Variants in SYTL3 observed in about 807,000 individuals in gnomAD.
SYTL3 encodes synaptotagmin-like protein 3.
Under a neutral mutation model 82.1 loss-of-function variants are expected in SYTL3, and 88 were observed. That is an observed-to-expected ratio of 1.07 (90% CI 0.90 to 1.28). The LOEUF is 1.28. SYTL3 is among the 50% of genes most tolerant of loss of function. The probability of loss-of-function intolerance (pLI) is 0.00; values close to 1 mark genes in which losing one functional copy is unlikely to be tolerated. For synonymous variants in SYTL3, 311 were observed against 289.4 expected (o/e 1.07, Z -0.76); for missense variants, 831 against 757.6 (o/e 1.10, Z -1.14).
chr6:158,722,827 A>G (rs6929627), intron 10 of SYTL3, among the ~76,000 whole-genome samples: 94,691 of 143,084 alleles, frequency 0.66, 33,195 homozygotes, highest in African/African-American at 0.88. Context: ...CAGCGAGCGA[A>G]CAGTCTGGGC....
chr6:158,673,307 C>T (rs756730152), intron 5 of SYTL3, among the ~76,000 whole-genome samples: 25 of 151,718 alleles, frequency 1.6e-4, no homozygotes, highest in Non-Finnish European at 3.1e-4. Flanking sequence ...GATTAAGGGC[C>T]GTTCTTTTGA....
intron 6 of SYTL3, among the ~76,000 whole-genome samples, chr6:158,685,427 T>G: frequency 6.6e-6 from 1 of 152,042 alleles, no homozygotes; most frequent in Non-Finnish European, 1.5e-5. Flanking sequence ...TGACTGGTCT[T>G]GAACTCCTGA....
intron 12 of SYTL3, among the ~76,000 whole-genome samples, chr6:158,751,082 T>C (rs1456608616): frequency 1.3e-5 from 2 of 152,280 alleles, no homozygotes; most frequent in African/African-American, 4.8e-5. Context: ...AGTTGTGAGC[T>C]TCTGCGCCTG....
At chr6:158,702,553 G>C (rs368495053) in intron 6 of SYTL3, among the ~76,000 whole-genome samples, 7 of 146,436 alleles carry the variant, frequency 4.8e-5, no homozygotes, top group South Asian at 4.2e-4. Context: ...AAAACAAGAG[G>C]GGGGGAAAAG....
intron 6 of SYTL3, among the ~76,000 whole-genome samples, chr6:158,699,411 A>G (rs562385296): frequency 2.6e-5 from 4 of 152,314 alleles, no homozygotes; most frequent in Non-Finnish European, 4.4e-5. Flanking sequence ...AGGGATTTGT[A>G]TCGGTAGCTG....
At chr6:158,762,314 A>G in intron 16 of SYTL3, 136 bp downstream of exon 16, 1 of 651,862 alleles carries the variant, frequency 1.5e-6, no homozygotes, top group Non-Finnish European at 2.6e-6. Context: ...AAATCTAACA[A>G]CACATATTAA....
rs117667549 is a variant in SYTL3 at position 158,678,133 on chromosome 6, T to C, written c.330-4792T>C. 8.4e-3 allele frequency among the ~76,000 whole-genome samples: 1,275 copies of C among 152,276 alleles called. 8 individuals carry two copies. Among genetic ancestry groups the C allele is most frequent in the South Asian group, 0.021 (100 of 4,828 alleles). ...TTCAAGCAATCCTCTCGCCTCGGCCTCCGAAAGTGCTGAGATTACAGGCGT... is the reference window on the plus strand; with the variant it reads ...TTCAAGCAATCCTCTCGCCTCGGCCCCCGAAAGTGCTGAGATTACAGGCGT... On this transcript the variant is annotated intron_variant, in intron 5 of 17. Transcript: ENST00000611299.
upstream of SYTL3, among the ~76,000 whole-genome samples, chr6:158,648,605 A>C (rs1554234543): frequency 9.5e-6 from 1 of 104,768 alleles, no homozygotes; most frequent in Non-Finnish European, 2.3e-5. Context: ...AAAAAAAAAA[A>C]AAAATAATAA....
chr6:158,665,659 G>GAATTCAGGTCTCTAAA, intron 5 of SYTL3, 46 bp downstream of exon 5: 1 of 1,421,294 alleles, frequency 7.0e-7, no homozygotes, highest in Non-Finnish European at 9.5e-7. Flanking sequence ...TTCAGGTCTC[G>GAATTCAGGTCTCTAAA]GAGGAGGCCT....
intron 6 of SYTL3, among the ~76,000 whole-genome samples, chr6:158,690,817 G>C (rs371373057): frequency 6.6e-6 from 1 of 152,028 alleles, no homozygotes; most frequent in Non-Finnish European, 1.5e-5. Context: ...TAGTACATTC[G>C]AATTATCAAA....
At chr6:158,686,467 C>T (rs1779303423) in intron 6 of SYTL3, among the ~76,000 whole-genome samples, 1 of 152,022 alleles carries the variant, frequency 6.6e-6, no homozygotes, top group Admixed American at 6.6e-5. Context: ...GGGGAAAATG[C>T]CAGGTTAGGA....
intron 6 of SYTL3, among the ~76,000 whole-genome samples, chr6:158,705,566 G>C (rs1447349726): frequency 2.3e-5 from 3 of 131,832 alleles, no homozygotes; most frequent in Non-Finnish European, 5.0e-5. Flanking sequence ...TAGAGCAGCG[G>C]GGGGGGACCT....
At chr6:158,700,083 C>G (rs1781008803) in intron 6 of SYTL3, among the ~76,000 whole-genome samples, 1 of 151,868 alleles carries the variant, frequency 6.6e-6, no homozygotes, top group African/African-American at 2.4e-5. Flanking sequence ...TGGAGAAACC[C>G]CTTCTCTACT....
At chr6:158,751,784 T>G in intron 12 of SYTL3, 144 bp from the exon 13 acceptor site, 1 of 600,120 alleles carries the variant, frequency 1.7e-6, no homozygotes, top group Non-Finnish European at 2.9e-6. Context: ...TATTAGGCTA[T>G]TAAGTCCTTT....
chr6:158,764,492 C>A lies in SYTL3; in HGVS notation c.1724-3C>A, dbSNP rs1180015398. On this transcript the variant is annotated splice_polypyrimidine_tract_variant and splice_region_variant and intron_variant, in intron 17 of 17. Transcript: ENST00000611299. ...ATGGCTAAATTGTCTTCCTCTCTTA[C>A]AGAGGGAGACACAGCTGTTGGCGGG... The A allele has an allele frequency of 6.2e-7, 1 of 1,607,934 alleles. No homozygotes were observed. The highest frequency in any genetic ancestry group is 8.5e-7 in the Non-Finnish European group (1 of 1,174,828).
intron 10 of SYTL3, among the ~76,000 whole-genome samples, chr6:158,723,089 C>CT (rs745395918): frequency 0.02 from 1,759 of 89,866 alleles, 79 homozygotes; most frequent in East Asian, 0.054. Flanking sequence ...AACAGCTACT[C>CT]TTTTTTTTTT....
chr6:158,658,441 G>C (rs931962382), intron 2 of SYTL3, among the ~76,000 whole-genome samples: 6 of 152,154 alleles, frequency 3.9e-5, no homozygotes, highest in African/African-American at 1.4e-4. Context: ...AAGCAACTGT[G>C]GTTCAATCGA....
chr6:158,762,752 A>G (rs1790147040), intron 16 of SYTL3, among the ~76,000 whole-genome samples: 1 of 152,086 alleles, frequency 6.6e-6, no homozygotes, highest in Non-Finnish European at 1.5e-5. Context: ...CCCCATCTCT[A>G]CTAAAAATAC....
rs191204610 is a variant in SYTL3, at chr6:158,760,163, A to C, written c.1309-477A>C. On this transcript the variant is annotated intron_variant, in intron 14 of 17. Transcript: ENST00000611299. ...AGGGAGGTGTCCTCAGACTCACCACACCCTGAGGGGCCACCCCCTGTGGCT... is the reference window on the plus strand; with the variant it reads ...AGGGAGGTGTCCTCAGACTCACCACCCCCTGAGGGGCCACCCCCTGTGGCT... Among the ~76,000 whole-genome samples, 51 of 152,080 alleles carry C rather than the reference A, an allele frequency of 3.4e-4. No individual in the cohort carries two copies. In the East Asian group the frequency reaches 8.3e-3, roughly 25 times the overall value.
Sources: gnomAD v4.1 joint callset for allele counts (sites outside exome capture counted in the v4.1 genomes callset) on GRCh38, gnomAD v4.1.1 for gene constraint, MANE v1.5 for transcripts, NCBI Gene and HGNC (gene_info 2026-07-23, HGNC 2026-07-21) for gene names.